The following SCHIP1 variants were observed in gnomAD, a reference collection of about 807,000 sequenced individuals.
SCHIP1 encodes the protein schwannomin interacting protein 1, also known as schwannomin-interacting protein 1.
In SCHIP1, 8 loss-of-function variants were observed where a neutral mutation model predicts 29.7. That is an observed-to-expected ratio of 0.27 (90% CI 0.16 to 0.49). The LOEUF (loss-of-function observed/expected upper bound fraction) is 0.49. SCHIP1 is among the 20% of genes least tolerant of loss of function. SCHIP1 has a pLI of 0.99. For synonymous variants in SCHIP1, 76 were observed against 94.9 expected, an observed-to-expected ratio of 0.80 and a Z score of 1.16; for missense variants, 193 against 294.6, an observed-to-expected ratio of 0.66 and a Z score of 2.52.
chr3:159,278,997 G>C, the SCHIP1 span, among the ~76,000 whole-genome samples: 1 of 152,038 alleles, frequency 6.6e-6, no homozygotes, highest in South Asian at 2.1e-4. Context: ...AAGGAAAAAG[G>C]GCACATGTGG....
the SCHIP1 span, chr3:159,764,299 T>C: frequency 2.1e-6 from 2 of 971,158 alleles, no homozygotes; most frequent in Non-Finnish European, 2.9e-6. The surrounding 1 kb of genome is among the most constrained non-coding windows in gnomAD (Gnocchi z 6.1). Flanking sequence ...TGGTGCTGGC[T>C]CCCGCCCCCA....
At chr3:159,763,117 AG>A in the SCHIP1 span, among the ~76,000 whole-genome samples, 3 of 152,136 alleles carry the variant, frequency 2.0e-5, no homozygotes, top group South Asian at 6.2e-4. Flanking sequence ...CGTGAGCTAA[AG>A]CAACAGGTTC....
the SCHIP1 span, among the ~76,000 whole-genome samples, chr3:159,289,406 CTTATTTATTTATTTAT>C: frequency 1.3e-5 from 2 of 150,098 alleles, no homozygotes; most frequent in African/African-American, 4.9e-5. Context: ...ACATAAAGCT[CTTATTTATTTATTTAT>C]TTATTTATTT....
chr3:159,795,353 G>T, the SCHIP1 span, among the ~76,000 whole-genome samples: 1 of 152,192 alleles, frequency 6.6e-6, no homozygotes, highest in Non-Finnish European at 1.5e-5. Context: ...CCACTCACTA[G>T]CTATGTGATC....
chr3:159,784,247 A>G, the SCHIP1 span, among the ~76,000 whole-genome samples: 1 of 152,202 alleles, frequency 6.6e-6, no homozygotes, highest in Non-Finnish European at 1.5e-5. Flanking sequence ...GCCACATGTC[A>G]TCCCGTTGAG....
chr3:159,580,776 G>A, the SCHIP1 span, among the ~76,000 whole-genome samples: 1 of 152,104 alleles, frequency 6.6e-6, no homozygotes, highest in Non-Finnish European at 1.5e-5. Flanking sequence ...GCTCTCACAT[G>A]GCTTCACCAA....
At chr3:159,764,445 T>C in the SCHIP1 span, 16 of 1,588,288 alleles carry the variant, frequency 1.0e-5, no homozygotes, top group Non-Finnish European at 1.3e-5. This position sits in a 1 kb window ranked among gnomAD's most constrained non-coding sequence, Gnocchi z 6.1. Flanking sequence ...CCCCCTAGGA[T>C]TACCGAGAGG....
the SCHIP1 span, among the ~76,000 whole-genome samples, chr3:159,454,829 G>A: frequency 6.6e-6 from 1 of 152,104 alleles, no homozygotes; most frequent in African/African-American, 2.4e-5. Context: ...GCAGAGGACA[G>A]GTCTTTTGTC....
At chr3:159,853,679 CAT>C (rs1257792082) in intron 1 of SCHIP1, among the ~76,000 whole-genome samples, 1 of 152,212 alleles carries the variant, frequency 6.6e-6, no homozygotes, top group African/African-American at 2.4e-5. Context: ...CTAAAACACA[CAT>C]GTTGTTATTC....
chr3:159,447,946 T>C, the SCHIP1 span, among the ~76,000 whole-genome samples: 1 of 152,098 alleles, frequency 6.6e-6, no homozygotes, highest in Admixed American at 6.6e-5. Context: ...CAGAGTCTCA[T>C]AGTGTGCTAT....
the SCHIP1 span, among the ~76,000 whole-genome samples, chr3:159,827,721 C>T: frequency 7.3e-5 from 11 of 151,154 alleles, no homozygotes; most frequent in South Asian, 1.7e-3. Context: ...AGGAGAATGG[C>T]GTGAACCCGG....
chr3:159,591,633 C>G, the SCHIP1 span, among the ~76,000 whole-genome samples: 1 of 152,002 alleles, frequency 6.6e-6, no homozygotes, highest in East Asian at 1.9e-4. Context: ...ATGGATGAAT[C>G]TGAAAGCCAT....
chr3:159,492,004 C>T, the SCHIP1 span, among the ~76,000 whole-genome samples: 4 of 152,208 alleles, frequency 2.6e-5, no homozygotes, highest in African/African-American at 9.7e-5. Context: ...TGGAGTGGAC[C>T]TCCAGTAAAC....
At chr3:159,831,965 C>A in the SCHIP1 span, among the ~76,000 whole-genome samples, 3 of 152,142 alleles carry the variant, frequency 2.0e-5, no homozygotes, top group Non-Finnish European at 1.5e-5. Flanking sequence ...GTCTTATAAG[C>A]TACTACATAG....
At chr3:159,395,039 C>T in the SCHIP1 span, among the ~76,000 whole-genome samples, 6 of 152,150 alleles carry the variant, frequency 3.9e-5, no homozygotes, top group African/African-American at 1.2e-4. Flanking sequence ...CTTGTTTAGT[C>T]TTGGTAGAGT....
chr3:159,792,302 G>T, the SCHIP1 span, among the ~76,000 whole-genome samples: 1 of 152,156 alleles, frequency 6.6e-6, no homozygotes, highest in South Asian at 2.1e-4. Context: ...TTGGGGCATA[G>T]GACAGACTTG....
At chr3:159,288,274 T>A in the SCHIP1 span, among the ~76,000 whole-genome samples, 1 of 152,232 alleles carries the variant, frequency 6.6e-6, no homozygotes, top group Non-Finnish European at 1.5e-5. Context: ...ATATAATTTT[T>A]AAAAAATAAA....
chr3:159,887,450 T>A (rs539782845), intron 3 of SCHIP1: 1 of 410,814 alleles, frequency 2.4e-6, no homozygotes, highest in East Asian at 4.5e-5. Context: ...AGGCCAAGAA[T>A]CAAAGACATA....
the SCHIP1 span, among the ~76,000 whole-genome samples, chr3:159,704,304 A>G: frequency 6.6e-6 from 1 of 151,468 alleles, no homozygotes; most frequent in South Asian, 2.1e-4. Context: ...GCATGGTGGC[A>G]TGCACCTATA....
Sources: gnomAD v4.1 joint callset for allele counts (sites outside exome capture counted in the v4.1 genomes callset) on GRCh38, gnomAD v4.1.1 for gene constraint, Gnocchi (gnomAD v3.1) non-coding constraint, MANE v1.5 for transcripts, NCBI Gene and HGNC (gene_info 2026-07-23, HGNC 2026-07-21) for gene names.